The following LOXL2 variants were observed in gnomAD, a reference collection of about 807,000 sequenced individuals.
The protein encoded by LOXL2 is lysyl oxidase like 2, also known as lysyl oxidase homolog 2.
Under a neutral mutation model 93.0 loss-of-function variants are expected in LOXL2, and 70 were observed. The observed-to-expected ratio is 0.75, with a 90% CI of 0.62 to 0.92. LOXL2 has a LOEUF of 0.92. LOXL2 is among the 40% of genes least tolerant of loss of function. The pLI, the probability that LOXL2 is intolerant of heterozygous loss-of-function variation, is 0.00. For missense variants in LOXL2, 973 were observed against 1,054.9 expected (o/e 0.92, Z 1.08); for synonymous variants, 438 against 413.2 (o/e 1.06, Z -0.73).
intron 1 of LOXL2, among the ~76,000 whole-genome samples, chr8:23,381,565 G>C (rs1804681106): frequency 6.6e-6 from 1 of 152,204 alleles, no homozygotes; most frequent in Non-Finnish European, 1.5e-5. Flanking sequence ...TTACTAAGGA[G>C]GTGGAGCTTT....
At chr8:23,359,551 G>A (rs1804254817) in intron 3 of LOXL2, among the ~76,000 whole-genome samples, 1 of 152,124 alleles carries the variant, frequency 6.6e-6, no homozygotes, top group Non-Finnish European at 1.5e-5. Context: ...GGACCTTCCA[G>A]CCCCCATTGA....
At chr8:23,330,259 G>A (rs570420878) in intron 5 of LOXL2, among the ~76,000 whole-genome samples, 125 of 152,314 alleles carry the variant, frequency 8.2e-4, no homozygotes, top group African/African-American at 2.5e-3. Flanking sequence ...GCGTGAACCC[G>A]GGAGGCGGAG....
chr8:23,326,205 T>C (rs1194755615), intron 6 of LOXL2, among the ~76,000 whole-genome samples: 1 of 152,218 alleles, frequency 6.6e-6, no homozygotes, highest in Non-Finnish European at 1.5e-5. Context: ...ATATCAATCA[T>C]CCACTGCTTC....
At chr8:23,355,136 G>A (rs1398018642) in intron 3 of LOXL2, among the ~76,000 whole-genome samples, 1 of 151,140 alleles carries the variant, frequency 6.6e-6, no homozygotes, top group Non-Finnish European at 1.5e-5. Context: ...GTAGAGACGG[G>A]GTTTCACCAT....
chr8:23,391,929 C>T (rs566657554), intron 1 of LOXL2, among the ~76,000 whole-genome samples: 1 of 152,164 alleles, frequency 6.6e-6, no homozygotes, highest in Non-Finnish European at 1.5e-5. Flanking sequence ...CAGAGAGGCA[C>T]CTTCTGAGCT....
intron 3 of LOXL2, among the ~76,000 whole-genome samples, chr8:23,348,809 G>A (rs905806348): frequency 6.6e-5 from 10 of 151,846 alleles, no homozygotes; most frequent in African/African-American, 2.4e-4. Flanking sequence ...CCCGGGAGGC[G>A]GAGCTTGCAG....
intron 6 of LOXL2, among the ~76,000 whole-genome samples, chr8:23,323,963 G>A (rs1803539674): frequency 1.3e-5 from 2 of 152,192 alleles, no homozygotes; most frequent in African/African-American, 4.8e-5. Context: ...GCCTCCCAAA[G>A]TGCTGGGATT....
At chr8:23,380,616 T>C (rs1416677689) in intron 1 of LOXL2, among the ~76,000 whole-genome samples, 1 of 151,614 alleles carries the variant, frequency 6.6e-6, no homozygotes, top group Non-Finnish European at 1.5e-5. Context: ...TTTTCTCTTC[T>C]TTTAAAAATT....
chr8:23,359,142 G>A (rs975360503), intron 3 of LOXL2, among the ~76,000 whole-genome samples: 4 of 151,952 alleles, frequency 2.6e-5, no homozygotes, highest in African/African-American at 7.3e-5. Context: ...ATAAGCCCCC[G>A]CGCCCGACCC....
At chr8:23,361,048 A>G (rs573309746) in intron 2 of LOXL2, among the ~76,000 whole-genome samples, 16 of 152,000 alleles carry the variant, frequency 1.1e-4, no homozygotes, top group Admixed American at 7.9e-4. Flanking sequence ...CGACAGGCGC[A>G]TGCCACCACC....
intron 1 of LOXL2, among the ~76,000 whole-genome samples, chr8:23,379,887 T>A (rs1263114018): frequency 5.9e-5 from 9 of 152,146 alleles, no homozygotes; most frequent in African/African-American, 2.2e-4. Context: ...TTGCGCTTCC[T>A]GGGTGAGGGG....
chr8:23,378,812 T>C (rs1473090813), intron 1 of LOXL2, among the ~76,000 whole-genome samples: 3 of 152,244 alleles, frequency 2.0e-5, no homozygotes, highest in African/African-American at 7.2e-5. Context: ...AGGACTTCTC[T>C]ACACTGGTTA....
At chr8:23,397,793 A>G (rs1230334024) in intron 1 of LOXL2, among the ~76,000 whole-genome samples, 110 of 150,450 alleles carry the variant, frequency 7.3e-4, no homozygotes, top group African/African-American at 1.7e-3. Flanking sequence ...AAAAAAAAAA[A>G]AAAGAAAGAA....
At chr8:23,320,582 A>G (rs1402302260) in intron 7 of LOXL2, among the ~76,000 whole-genome samples, 1 of 152,038 alleles carries the variant, frequency 6.6e-6, no homozygotes, top group East Asian at 1.9e-4. Flanking sequence ...ACCCTAAATG[A>G]CCGGGTGTGG....
chr8:23,361,225 A>C (rs533900823), intron 2 of LOXL2, among the ~76,000 whole-genome samples: 195 of 152,096 alleles, frequency 1.3e-3, no homozygotes, highest in African/African-American at 4.4e-3. Flanking sequence ...AGGCATTTTC[A>C]CATGTAGTAT....
At chr8:23,322,043 G>A (rs1803505504) in intron 7 of LOXL2, 87 bp downstream of exon 7, 2 of 1,415,650 alleles carry the variant, frequency 1.4e-6, no homozygotes, top group Admixed American at 1.9e-5. Flanking sequence ...GCAGCACCTG[G>A]TCACTTCCAG....
intron 1 of LOXL2, among the ~76,000 whole-genome samples, chr8:23,374,901 T>G (rs1804562552): frequency 6.6e-6 from 1 of 152,248 alleles, no homozygotes; most frequent in Non-Finnish European, 1.5e-5. Flanking sequence ...AGGTTGCCTG[T>G]TCACTCTGAT....
At position 23,333,283 on chromosome 8, in the gene LOXL2, A is replaced by G. The variant is rs1347265109; in HGVS notation, c.966+118T>C. The G allele has an allele frequency of 3.7e-5, 34 of 913,606 alleles. No individual in the cohort carries two copies. In the South Asian group the frequency reaches 4.4e-4, roughly 12 times the overall value. The allele number at this position is 913,606 out of a possible 1,614,324, so 56.6% of individuals were successfully genotyped here. On this transcript the variant is annotated intron_variant, in intron 5 of 13. Coordinates refer to ENST00000389131, the MANE Select transcript of LOXL2 (RefSeq NM_002318.3). Reference sequence around the variant, plus strand: ...CAGGTCTCAGAGTAAAGCAGCCACAATGGTGATCTCCGCTGAGGCCACCCT... The same window carrying G: ...CAGGTCTCAGAGTAAAGCAGCCACAGTGGTGATCTCCGCTGAGGCCACCCT...
At chr8:23,304,216 C>CGCTGGTTT (rs1803189286) in intron 10 of LOXL2, among the ~76,000 whole-genome samples, 1 of 152,224 alleles carries the variant, frequency 6.6e-6, no homozygotes, top group Non-Finnish European at 1.5e-5. Context: ...AATCCCTTGC[C>CGCTGGTTT]GCTGGTTTAC....
Sources: allele counts gnomAD v4.1 joint callset (sites outside exome capture counted in the v4.1 genomes callset), GRCh38; gene constraint gnomAD v4.1.1; transcripts MANE v1.5; gene names NCBI Gene and HGNC (gene_info 2026-07-23, HGNC 2026-07-21).